Variants in MACC1 observed in about 807,000 individuals in gnomAD.
MACC1 encodes the protein MET transcriptional regulator MACC1.
A neutral mutation model predicts 70.7 loss-of-function variants in MACC1; 79 were observed. That is an observed-to-expected ratio of 1.12 (90% CI 0.93 to 1.35). The LOEUF is 1.35. Among genes scored for constraint, MACC1 ranks in the 40% most tolerant of loss-of-function variants. The pLI is 0.00. For missense variants in MACC1, 1,106 were observed against 978.1 expected, an observed-to-expected ratio of 1.13 and a Z score of -1.74; for synonymous variants, 361 against 347.2, an observed-to-expected ratio of 1.04 and a Z score of -0.44.
intron 1 of MACC1, among the ~76,000 whole-genome samples, chr7:20,173,498 C>A (rs540261897): frequency 1.2e-4 from 19 of 152,248 alleles, no homozygotes; most frequent in Admixed American, 2.0e-4. Flanking sequence ...TCTTTTCTTT[C>A]CCTTTGAATT....
chr7:20,160,723 T>C (rs2128103003), intron 4 of MACC1, among the ~76,000 whole-genome samples: 1 of 152,246 alleles, frequency 6.6e-6, no homozygotes, highest in South Asian at 2.1e-4. Flanking sequence ...TATTTTCCTT[T>C]TCAGATAATA....
rs1782096824 is a variant in MACC1, at chr7:20,158,863, A to G, written c.1498T>C (p.Phe500Leu). 6.2e-7 allele frequency: 1 copy of G among 1,614,026 alleles called. No individual in the cohort carries two copies. Among genetic ancestry groups the G allele is most frequent in the Admixed American group, 1.7e-5 (1 of 59,988 alleles). Residue 500 changes from phenylalanine to leucine, a missense_variant, in exon 5 of 7, where the codon TTC (phenylalanine) becomes CTC (leucine). Transcript: ENST00000400331. ...EPPNGEPVAQ[F>L]SITTPDPTPN... ...GTTGGATCAGGAGTAGTGATAGAGA[A>G]CTGTGCAACTGGTTCACCATTGGGA... is the stretch of plus-strand genomic sequence containing the variant.
intron 1 of MACC1, among the ~76,000 whole-genome samples, chr7:20,193,892 G>A (rs1316045385): frequency 6.7e-6 from 1 of 148,542 alleles, no homozygotes; most frequent in Non-Finnish European, 1.5e-5. Context: ...TTATTCCCCC[G>A]CCCCCACACA....
rs150401325 is a variant in MACC1, at chr7:20,160,385, A to G, written c.116-140T>C. On this transcript the variant is annotated intron_variant, in intron 4 of 6. Transcript: ENST00000400331. ...TCTGATCTCTAGTCTACTAGCTAACATAAACTCAATGTTAAATTTGCTCAA... is the reference window on the plus strand; with the variant it reads ...TCTGATCTCTAGTCTACTAGCTAACGTAAACTCAATGTTAAATTTGCTCAA... 6.1e-5 allele frequency: 59 copies of G among 964,532 alleles called. 1 individual carries two copies. In the African/African-American group the frequency reaches 7.6e-4, roughly 12 times the overall value. 59.7% of individuals were successfully genotyped at this position (964,532 alleles called of 1,614,324 possible). A position where few individuals can be genotyped will look rare whatever the true frequency, so the allele number is the denominator to read the frequency against.
intron 6 of MACC1, among the ~76,000 whole-genome samples, chr7:20,150,175 T>C (rs930341829): frequency 1.3e-5 from 2 of 152,176 alleles, no homozygotes; most frequent in African/African-American, 4.8e-5. Context: ...TAACAGTTTA[T>C]CCCAATTCCC....
intron 2 of MACC1, among the ~76,000 whole-genome samples, chr7:20,169,642 T>C (rs7802791): frequency 0.13 from 19,681 of 152,254 alleles, 1,404 homozygotes; most frequent in Non-Finnish European, 0.15. Flanking sequence ...TTTATGTAAA[T>C]GCATTTTTGT....
At chr7:20,206,021 T>C (rs1238103238) in intron 1 of MACC1, among the ~76,000 whole-genome samples, 1 of 152,054 alleles carries the variant, frequency 6.6e-6, no homozygotes, top group Non-Finnish European at 1.5e-5. Flanking sequence ...TCTTCTCTGT[T>C]GTTTCAGATG....
At position 20,139,987 on chromosome 7, in the gene MACC1, T is replaced by C. The variant is rs185180322; in HGVS notation, c.*959A>G. 1.3e-5 allele frequency: 2 copies of C among 152,220 alleles called. No individual in the cohort carries two copies. The highest frequency in any genetic ancestry group is 1.3e-4 in the Admixed American group (2 of 15,290). The allele number at this position is 152,220 out of a possible 1,614,324, so 9.4% of individuals were successfully genotyped here. On this transcript the variant is annotated 3_prime_UTR_variant, in exon 7 of 7. Transcript: ENST00000400331. Reference sequence around the variant, plus strand: ...TGGTGGTTTTTAATAACTCGTATTATTAAAAATCTCCAAGAGCTAAAGAAC... The same window carrying C: ...TGGTGGTTTTTAATAACTCGTATTACTAAAAATCTCCAAGAGCTAAAGAAC...
chr7:20,192,991 T>C (rs796240893), intron 1 of MACC1, among the ~76,000 whole-genome samples: 2 of 152,306 alleles, frequency 1.3e-5, no homozygotes, highest in East Asian at 3.9e-4. Context: ...TCCCTAGCGA[T>C]TTATGTTTAT....
At chr7:20,211,810 C>T (rs1783000755) in intron 1 of MACC1, among the ~76,000 whole-genome samples, 1 of 151,980 alleles carries the variant, frequency 6.6e-6, no homozygotes, top group Non-Finnish European at 1.5e-5. Context: ...TAGGAATGTA[C>T]TATAATATTT....
intron 6 of MACC1, among the ~76,000 whole-genome samples, chr7:20,151,226 A>G (rs1171757004): frequency 1.3e-5 from 2 of 152,320 alleles, no homozygotes; most frequent in East Asian, 1.9e-4. Flanking sequence ...GGCTAAGTGA[A>G]GAGCACCCAA....
At chr7:20,189,094 C>T (rs1782634226) in intron 1 of MACC1, among the ~76,000 whole-genome samples, 1 of 152,172 alleles carries the variant, frequency 6.6e-6, no homozygotes, top group Non-Finnish European at 1.5e-5. Flanking sequence ...ACTCTTTCCC[C>T]TGATATGTGT....
chr7:20,181,837 A>T (rs10243679), intron 1 of MACC1, among the ~76,000 whole-genome samples: 17,335 of 152,170 alleles, frequency 0.11, 1,180 homozygotes, highest in Non-Finnish European at 0.15. Flanking sequence ...AGAGAGAAAA[A>T]ATATTATTTA....
At chr7:20,203,838 A>G (rs1412992015) in intron 1 of MACC1, among the ~76,000 whole-genome samples, 1 of 152,158 alleles carries the variant, frequency 6.6e-6, no homozygotes, top group African/African-American at 2.4e-5. Flanking sequence ...ACTTGTTTCT[A>G]TGCAAAAATG....
intron 1 of MACC1, among the ~76,000 whole-genome samples, chr7:20,214,907 C>T (rs1562606164): frequency 1.3e-5 from 2 of 152,110 alleles, no homozygotes; most frequent in Admixed American, 6.6e-5. Context: ...CTGCCCATCT[C>T]AACTCTGCAC....
intron 1 of MACC1, among the ~76,000 whole-genome samples, chr7:20,205,247 A>G (rs1782894292): frequency 6.6e-6 from 1 of 152,236 alleles, no homozygotes; most frequent in Non-Finnish European, 1.5e-5. Context: ...AAGCTATTGC[A>G]TACAATTAAA....
At chr7:20,214,595 A>T (rs1406577191) in intron 1 of MACC1, among the ~76,000 whole-genome samples, 2 of 152,216 alleles carry the variant, frequency 1.3e-5, no homozygotes, top group Non-Finnish European at 2.9e-5. Flanking sequence ...AACTATATAT[A>T]AATGTTATTT....
At chr7:20,148,523 G>A (rs947234968) in intron 6 of MACC1, among the ~76,000 whole-genome samples, 1 of 152,072 alleles carries the variant, frequency 6.6e-6, no homozygotes, top group African/African-American at 2.4e-5. Flanking sequence ...ATTAAATAGT[G>A]TCTTTAAATC....
At chr7:20,206,964 C>T (rs952101016) in intron 1 of MACC1, among the ~76,000 whole-genome samples, 2 of 152,164 alleles carry the variant, frequency 1.3e-5, no homozygotes, top group African/African-American at 4.8e-5. Flanking sequence ...TCTTCTGCCA[C>T]GTTCCATTAG....
Sources: gnomAD v4.1 joint callset for allele counts (sites outside exome capture counted in the v4.1 genomes callset) on GRCh38, gnomAD v4.1.1 for gene constraint, MANE v1.5 for transcripts, NCBI Gene and HGNC (gene_info 2026-07-23, HGNC 2026-07-21) for gene names.